CNTN4: variants seen among roughly 807,000 people sequenced by gnomAD.
The protein encoded by CNTN4 is contactin-4.
A neutral mutation model predicts 122.5 loss-of-function variants in CNTN4; 77 were observed. The ratio of observed to expected loss-of-function variants is 0.63; its 90% confidence interval spans 0.52 to 0.76. CNTN4 has a LOEUF of 0.76. CNTN4 is among the 30% of genes least tolerant of loss of function. CNTN4 has a pLI of 0.00. For missense variants in CNTN4, 1,256 were observed against 1,259.1 expected (o/e 1.00, Z 0.04); for synonymous variants, 512 against 447.0 (o/e 1.15, Z -1.83).
At chr3:3,023,177 A>G (rs936273555) in intron 14 of CNTN4, among the ~76,000 whole-genome samples, 1 of 152,222 alleles carries the variant, frequency 6.6e-6, no homozygotes, top group Admixed American at 6.5e-5. Context: ...ACACTTTGAG[A>G]AAACCAAGTC....
chr3:2,875,049 G>C (rs111277680), intron 8 of CNTN4, among the ~76,000 whole-genome samples: 2,687 of 152,098 alleles, frequency 0.018, 87 homozygotes, highest in African/African-American at 0.061. Context: ...GTGGTGCGAT[G>C]TCAGCTCACT....
intron 3 of CNTN4, among the ~76,000 whole-genome samples, chr3:2,365,200 C>G (rs527519300): frequency 2.0e-5 from 3 of 152,168 alleles, no homozygotes; most frequent in Admixed American, 6.5e-5. Flanking sequence ...CTCCTCAATG[C>G]CAAGTTACCT....
chr3:2,898,819 C>G (rs367957219), intron 10 of CNTN4, among the ~76,000 whole-genome samples: 39 of 152,160 alleles, frequency 2.6e-4, no homozygotes, highest in Middle Eastern at 6.8e-3. Flanking sequence ...TTTTCATGGA[C>G]TCTGTAGGGG....
intron 2 of CNTN4, among the ~76,000 whole-genome samples, chr3:2,119,279 G>A (rs1425456587): frequency 6.6e-6 from 1 of 152,168 alleles, no homozygotes; most frequent in Non-Finnish European, 1.5e-5. Context: ...ATTCCTTGGT[G>A]TGTCTCTTTC....
At chr3:2,895,610 A>T (rs548044387) in intron 10 of CNTN4, among the ~76,000 whole-genome samples, 7 of 152,328 alleles carry the variant, frequency 4.6e-5, no homozygotes, top group Admixed American at 6.5e-5. Context: ...GTCAGTTGTA[A>T]CTTATGTGGA....
intron 8 of CNTN4, among the ~76,000 whole-genome samples, chr3:2,870,500 A>G (rs1006097249): frequency 3.3e-5 from 5 of 152,210 alleles, no homozygotes; most frequent in African/African-American, 1.2e-4. Context: ...AAGAGATTGC[A>G]AAATAAAGAG....
intron 4 of CNTN4, among the ~76,000 whole-genome samples, chr3:2,624,406 A>G (rs2082103953): frequency 2.6e-5 from 4 of 152,088 alleles, no homozygotes; most frequent in Admixed American, 2.6e-4. Flanking sequence ...AGTACAATAT[A>G]TTTTGCCACA....
chr3:2,672,927 G>A, intron 4 of CNTN4, among the ~76,000 whole-genome samples: 1 of 152,126 alleles, frequency 6.6e-6, no homozygotes, highest in Non-Finnish European at 1.5e-5. Context: ...ACATTCGAGT[G>A]GGCTAGAGAA....
intron 3 of CNTN4, among the ~76,000 whole-genome samples, chr3:2,404,692 C>G (rs961673020): frequency 2.0e-5 from 3 of 152,180 alleles, no homozygotes; most frequent in Non-Finnish European, 4.4e-5. Context: ...TCTGCAAAGT[C>G]CCTTCACAGT....
chr3:2,609,779 CA>C (rs770238881), intron 4 of CNTN4, among the ~76,000 whole-genome samples: 4 of 152,044 alleles, frequency 2.6e-5, no homozygotes, highest in Non-Finnish European at 4.4e-5. Context: ...ACATATTTTC[CA>C]TTTTAAAAAT....
chr3:2,899,004 T>C (rs145670554), intron 10 of CNTN4, among the ~76,000 whole-genome samples: 1 of 152,300 alleles, frequency 6.6e-6, no homozygotes, highest in East Asian at 1.9e-4. Flanking sequence ...AAGTTGATGT[T>C]TGTTGATGTT....
intron 4 of CNTN4, among the ~76,000 whole-genome samples, chr3:2,673,411 A>G (rs2084652746): frequency 6.6e-6 from 1 of 152,138 alleles, no homozygotes. Context: ...CTCCTTTGCA[A>G]TGTGGCTTTC....
chr3:2,954,277 AG>A (rs1291834045), intron 13 of CNTN4, among the ~76,000 whole-genome samples: 1 of 152,128 alleles, frequency 6.6e-6, no homozygotes, highest in Non-Finnish European at 1.5e-5. Context: ...AAAATGAACA[AG>A]GTCTTTCACC....
At chr3:2,265,584 AT>A (rs1027965746) in intron 2 of CNTN4, among the ~76,000 whole-genome samples, 2 of 151,892 alleles carry the variant, frequency 1.3e-5, no homozygotes, top group African/African-American at 4.8e-5. Context: ...TTAGGATTGT[AT>A]TTTTCATTTT....
chr3:3,016,170 T>C (rs890566741), intron 14 of CNTN4, among the ~76,000 whole-genome samples: 1 of 152,234 alleles, frequency 6.6e-6, no homozygotes, highest in African/African-American at 2.4e-5. Context: ...AGAGTGATTT[T>C]AATTATACCT....
Position 2,389,003 on chromosome 3 carries a change from CAA to C in CNTN4, c.-89+49777_-89+49778del, listed in dbSNP as rs1156767959. Among the ~76,000 whole-genome samples the C allele has an allele frequency of 2.0e-5, 3 of 150,322 alleles. No individual in the cohort carries two copies. The East Asian group carries it at 5.9e-4, about 30-fold the overall frequency. ...TGAAACCCTGTCTCTGCTAAAAATA[CAA>C]AAAAAATTAGCCAGGCGTGGTGGTG... On this transcript the variant is annotated intron_variant, in intron 3 of 24. Transcript: ENST00000418658.
intron 4 of CNTN4, among the ~76,000 whole-genome samples, chr3:2,617,377 A>C (rs1382196882): frequency 1.3e-5 from 2 of 151,580 alleles, no homozygotes; most frequent in Non-Finnish European, 2.9e-5. Context: ...GCCAAGAAAC[A>C]TATGAAAAAC....
chr3:2,590,074 C>T (rs770189092), intron 4 of CNTN4, among the ~76,000 whole-genome samples: 1 of 152,198 alleles, frequency 6.6e-6, no homozygotes, highest in Non-Finnish European at 1.5e-5. Context: ...ATCTGTTCCT[C>T]TCCTTTGCTT....
At chr3:2,779,913 C>T (rs1483531053) in intron 6 of CNTN4, among the ~76,000 whole-genome samples, 1 of 152,180 alleles carries the variant, frequency 6.6e-6, no homozygotes, top group Non-Finnish European at 1.5e-5. Context: ...ACTATTGACT[C>T]TCAAGAATTC....
Sources: allele counts gnomAD v4.1 joint callset (sites outside exome capture counted in the v4.1 genomes callset), GRCh38; gene constraint gnomAD v4.1.1; transcripts MANE v1.5; gene names NCBI Gene and HGNC (gene_info 2026-07-23, HGNC 2026-07-21).